The following FBXW12 variants were observed in gnomAD, a reference collection of about 807,000 sequenced individuals.
The protein encoded by FBXW12 is F-box and WD repeat domain containing 12.
A neutral mutation model predicts 55.3 loss-of-function variants in FBXW12; 43 were observed. The ratio of observed to expected loss-of-function variants is 0.78; its 90% confidence interval spans 0.61 to 1.00. The LOEUF is 1.00. FBXW12 is among the 50% of genes least tolerant of loss of function. FBXW12 has a pLI of 0.00. For synonymous variants in FBXW12, 184 were observed against 203.8 expected (o/e 0.90, Z 0.83); for missense variants, 524 against 560.5 (o/e 0.93, Z 0.66).
At chr3:48,388,781 G>A (rs984287035) in intron 10 of FBXW12, among the ~76,000 whole-genome samples, 1 of 152,152 alleles carries the variant, frequency 6.6e-6, no homozygotes. Flanking sequence ...GGTACAATAT[G>A]ATGTTTTCTT....
chr3:48,379,429 A>G lies in FBXW12; in HGVS notation c.645A>G (p.Thr215=). Residue 215 remains threonine (T), a synonymous_variant, in exon 7 of 11, where the codon ACA becomes ACG. Coordinates refer to ENST00000296438, the MANE Select transcript of FBXW12 (RefSeq NM_207102.2). The part of the protein sequence containing the change: ...MVGDAAGDIY[T]FTLPGLRDVS... ...GCGATGCTGCAGGTGACATCTACACATTTACACTGCCTGGGTTAAGAGATG... is the reference window on the plus strand; with the variant it reads ...GCGATGCTGCAGGTGACATCTACACGTTTACACTGCCTGGGTTAAGAGATG... The G allele has an allele frequency of 6.2e-7, 1 of 1,614,226 alleles. No homozygotes were observed.
chr3:48,372,703 G>A lies in FBXW12; in HGVS notation c.-65G>A. 1.2e-6 allele frequency: 2 copies of A among 1,612,932 alleles called. No homozygotes were observed. Among genetic ancestry groups the A allele is most frequent in the South Asian group, 2.2e-5 (2 of 91,070 alleles). ...TACAAGTGCTGCAGACTTTGGCAAA[G>A]CCTATAAATTCAGAGCAGCCCGGAG... On this transcript the variant is annotated 5_prime_UTR_variant, in exon 2 of 11. Transcript: ENST00000296438.
rs752450529 is a variant in FBXW12 at position 48,378,406 on chromosome 3, T to C, written c.495T>C (p.Asp165=). The change falls in exon 6 of 11, where the codon GAT becomes GAC. Residue 165 remains aspartate (D), a synonymous_variant. Coordinates refer to ENST00000296438, the MANE Select transcript of FBXW12 (RefSeq NM_207102.2). ...LPQMHLAITM[D]RKKTIKVWNC... ...AGATGCATCTCGCCATCACTATGGATCGGAAAAAAACTATCAAAGTGTGGA... is the reference window on the plus strand; with the variant it reads ...AGATGCATCTCGCCATCACTATGGACCGGAAAAAAACTATCAAAGTGTGGA... 2 of 1,613,974 alleles carry C rather than the reference T, an allele frequency of 1.2e-6. No homozygotes were observed. The highest frequency in any genetic ancestry group is 2.2e-5 in the South Asian group (2 of 91,054).
chr3:48,392,532 T>A (rs1575365286), intron 10 of FBXW12, among the ~76,000 whole-genome samples: 2 of 151,776 alleles, frequency 1.3e-5, no homozygotes, highest in South Asian at 4.2e-4. Flanking sequence ...TTTTTAAATC[T>A]GGTAATGTGA....
At chr3:48,390,602 A>G (rs545384032) in intron 10 of FBXW12, among the ~76,000 whole-genome samples, 3 of 150,796 alleles carry the variant, frequency 2.0e-5, no homozygotes, top group Admixed American at 6.6e-5. Flanking sequence ...TTTAGTAGAG[A>G]TGGGGTTTTG....
chr3:48,380,777 T>A lies in FBXW12; in HGVS notation c.850T>A (p.Cys284Ser). The change falls in exon 8 of 11, where the codon TGT (cysteine) becomes AGT (serine). Residue 284 changes from cysteine to serine, a missense_variant. Cys to Ser is a moderately radical substitution (Grantham distance 112). Coordinates refer to ENST00000296438, the MANE Select transcript of FBXW12 (RefSeq NM_207102.2). ...GTCTACCTTTCTCCCACATAAATTA[T>A]GTGCCAGCGCCTGCTGGACCCCAAA... ...PLSTFLPHKL[C>S]ASACWTPKVK... 1 of 1,614,154 alleles carries A rather than the reference T, an allele frequency of 6.2e-7. No homozygotes were observed. The highest frequency in any genetic ancestry group is 8.5e-7 in the Non-Finnish European group (1 of 1,179,986).
intron 10 of FBXW12, among the ~76,000 whole-genome samples, chr3:48,391,250 T>G (rs1471207865): frequency 6.6e-6 from 1 of 150,408 alleles, no homozygotes; most frequent in African/African-American, 2.4e-5. Context: ...GCCACTGCAC[T>G]CCAGACTGAG....
intron 8 of FBXW12, 117 bp downstream of exon 8, chr3:48,381,029 T>TG (rs997145971): frequency 9.5e-5 from 81 of 857,024 alleles, no homozygotes; most frequent in African/African-American, 4.8e-4. Flanking sequence ...CTAGTTTTTT[T>TG]TTTTTTTTTT....
At chr3:48,392,292 A>G (rs1257767833) in intron 10 of FBXW12, among the ~76,000 whole-genome samples, 1 of 152,052 alleles carries the variant, frequency 6.6e-6, no homozygotes, top group Non-Finnish European at 1.5e-5. Flanking sequence ...CTCTACTAAA[A>G]TACAAAAAAT....
At chr3:48,372,420 G>T in intron 1 of FBXW12, 100 bp downstream of exon 1, 1 of 1,410,328 alleles carries the variant, frequency 7.1e-7, no homozygotes, top group South Asian at 1.3e-5. Context: ...AGTGCACTCG[G>T]TGACATTTCC....
chr3:48,383,782 A>T (rs1388834300), intron 10 of FBXW12, among the ~76,000 whole-genome samples: 1 of 152,150 alleles, frequency 6.6e-6, no homozygotes, highest in African/African-American at 2.4e-5. Flanking sequence ...TTTTTTGTAT[A>T]TGAATATTCA....
intron 10 of FBXW12, among the ~76,000 whole-genome samples, chr3:48,387,408 A>T: frequency 7.0e-6 from 1 of 143,514 alleles, no homozygotes; most frequent in Non-Finnish European, 1.5e-5. Context: ...ATTAATTTTA[A>T]TTATTTTTTC....
intron 2 of FBXW12, 61 bp from the exon 3 acceptor site, chr3:48,373,247 G>T (rs558067690): frequency 2.5e-6 from 4 of 1,613,444 alleles, no homozygotes; most frequent in African/African-American, 2.7e-5. Flanking sequence ...AATAGCAGAG[G>T]ATTACCCTTG....
At chr3:48,377,242 C>T (rs1177705582) in intron 5 of FBXW12, among the ~76,000 whole-genome samples, 1 of 152,192 alleles carries the variant, frequency 6.6e-6, no homozygotes, top group Non-Finnish European at 1.5e-5. Flanking sequence ...TTGTGTAGTC[C>T]ACTGCCACAG....
rs117142255 is a variant in FBXW12, at chr3:48,378,068, T to G, written c.406-249T>G. On this transcript the variant is annotated intron_variant, in intron 5 of 10. Coordinates refer to ENST00000296438, the MANE Select transcript of FBXW12 (RefSeq NM_207102.2). ...ACTGTGAGTAGGAGGCAGAGGTGAT[T>G]TGAACCTATGAAGTCTGATCATTCT... is the stretch of plus-strand genomic sequence containing the variant. Among the ~76,000 whole-genome samples the G allele has an allele frequency of 1.2e-4, 18 of 152,246 alleles. No individual in the cohort carries two copies. The East Asian group carries it at 3.5e-3, about 29-fold the overall frequency.
intron 10 of FBXW12, among the ~76,000 whole-genome samples, chr3:48,385,338 T>TTG (rs60689779): frequency 0.047 from 7,034 of 148,862 alleles, 201 homozygotes; most frequent in Middle Eastern, 0.11. Flanking sequence ...TGGTATTCCA[T>TTG]TGTGTGTGTG....
At chr3:48,372,383 T>C in intron 1 of FBXW12, 63 bp downstream of exon 1, 2 of 1,522,252 alleles carry the variant, frequency 1.3e-6, no homozygotes, top group Non-Finnish European at 1.8e-6. Context: ...AATAGAGTCA[T>C]AGAGACACTC....
chr3:48,385,627 T>A lies in FBXW12; in HGVS notation c.1295+3542T>A, dbSNP rs186773129. 1.5e-3 allele frequency among the ~76,000 whole-genome samples: 227 copies of A among 152,308 alleles called. 3 individuals carry two copies. The highest frequency in any genetic ancestry group is 5.2e-3 in the African/African-American group (218 of 41,570). On this transcript the variant is annotated intron_variant, in intron 10 of 10. Transcript: ENST00000296438. ...TGTTTTCCATAATGGCTGTACTAATTTACATTCCCACCTACAACATACATG... is the reference window on the plus strand; with the variant it reads ...TGTTTTCCATAATGGCTGTACTAATATACATTCCCACCTACAACATACATG...
chr3:48,389,297 T>C (rs2036887132), intron 10 of FBXW12, among the ~76,000 whole-genome samples: 1 of 152,196 alleles, frequency 6.6e-6, no homozygotes, highest in Non-Finnish European at 1.5e-5. Context: ...TGTCAGATGC[T>C]TGATTTGTGA....
Sources: gnomAD v4.1 joint callset for allele counts (sites outside exome capture counted in the v4.1 genomes callset) on GRCh38, gnomAD v4.1.1 for gene constraint, MANE v1.5 for transcripts, NCBI Gene and HGNC (gene_info 2026-07-23, HGNC 2026-07-21) for gene names.